Variants in PLA2G4A observed in about 807,000 individuals in gnomAD.
The protein encoded by PLA2G4A is cytosolic phospholipase A2.
Under a neutral mutation model 81.9 loss-of-function variants are expected in PLA2G4A, and 40 were observed. That is an observed-to-expected ratio of 0.49 (90% CI 0.38 to 0.64). The LOEUF is 0.64. Among genes scored for constraint, PLA2G4A ranks in the 30% least tolerant of loss-of-function variants. The pLI, the probability that PLA2G4A is intolerant of heterozygous loss-of-function variation, is 0.00. For synonymous variants in PLA2G4A, 302 were observed against 296.9 expected (o/e 1.02, Z -0.18); for missense variants, 715 against 905.1 (o/e 0.79, Z 2.69).
intron 2 of PLA2G4A, among the ~76,000 whole-genome samples, chr1:186,868,762 C>T (rs74137528): frequency 0.014 from 2,071 of 152,150 alleles, 59 homozygotes; most frequent in African/African-American, 0.046. Context: ...TTGGTAGATT[C>T]TATCTTTTAA....
At chr1:186,869,953 C>A (rs2102057966) in intron 2 of PLA2G4A, among the ~76,000 whole-genome samples, 1 of 152,310 alleles carries the variant, frequency 6.6e-6, no homozygotes, top group South Asian at 2.1e-4. Flanking sequence ...ACAATTAGTG[C>A]AATTTGTTTG....
rs1445181202 is a variant in PLA2G4A, at chr1:186,924,308, A to G, written c.559-8455A>G. On this transcript the variant is annotated intron_variant, in intron 7 of 17. Coordinates refer to ENST00000367466, the MANE Select transcript of PLA2G4A (RefSeq NM_024420.3). Reference sequence around the variant, plus strand: ...TTCACAAACGTCTCCAACATTTTCTATACAAGCTCATTCTACCTCCTTTAG... The same window carrying G: ...TTCACAAACGTCTCCAACATTTTCTGTACAAGCTCATTCTACCTCCTTTAG... Among the ~76,000 whole-genome samples, 5 of 152,212 alleles carry G rather than the reference A, an allele frequency of 3.3e-5. No homozygotes were observed. The East Asian group carries it at 9.6e-4, about 29-fold the overall frequency.
intron 17 of PLA2G4A, among the ~76,000 whole-genome samples, chr1:186,987,823 G>A (rs907964007): frequency 2.0e-5 from 3 of 152,146 alleles, no homozygotes; most frequent in Admixed American, 1.3e-4. Context: ...TGAATAAAAA[G>A]TAGTAATTCA....
intron 10 of PLA2G4A, among the ~76,000 whole-genome samples, chr1:186,941,261 G>A (rs755998308): frequency 6.6e-6 from 1 of 152,114 alleles, no homozygotes; most frequent in Admixed American, 6.6e-5. Flanking sequence ...GACACCCCAT[G>A]AGCTTAAAAA....
chr1:186,905,030 T>G (rs1281720833), intron 5 of PLA2G4A, among the ~76,000 whole-genome samples: 1 of 152,114 alleles, frequency 6.6e-6, no homozygotes, highest in African/African-American at 2.4e-5. Context: ...AATTTTTGTA[T>G]TTTTAGTAGA....
chr1:186,931,366 A>T (rs1655738077), intron 7 of PLA2G4A, among the ~76,000 whole-genome samples: 2 of 152,062 alleles, frequency 1.3e-5, no homozygotes, highest in Admixed American at 6.6e-5. Context: ...ATGTAGTTTG[A>T]TGCCTAGTGT....
At chr1:186,837,753 G>GAAAA (rs1267826917) in intron 1 of PLA2G4A, among the ~76,000 whole-genome samples, 2 of 118,168 alleles carry the variant, frequency 1.7e-5, no homozygotes, top group African/African-American at 6.7e-5. Context: ...AAAAAAAAAA[G>GAAAA]AAAAAGAAAA....
chr1:186,863,946 G>C lies in PLA2G4A; in HGVS notation c.34-6489G>C, dbSNP rs190140505. Among the ~76,000 whole-genome samples, 10 of 152,028 alleles carry C rather than the reference G, an allele frequency of 6.6e-5. No homozygotes were observed. In the East Asian group the frequency reaches 1.9e-3, roughly 29 times the overall value. On this transcript the variant is annotated intron_variant, in intron 2 of 17. Coordinates refer to ENST00000367466, the MANE Select transcript of PLA2G4A (RefSeq NM_024420.3). ...TGGCTAATTTTTTATATTTTTAGTA[G>C]AGATGGGGTTTCACCATATTGGCCG...
chr1:186,842,527 G>A (rs1283144153), intron 1 of PLA2G4A, among the ~76,000 whole-genome samples: 1 of 152,110 alleles, frequency 6.6e-6, no homozygotes, highest in African/African-American at 2.4e-5. Context: ...CTAAATCCCA[G>A]TACCTCAGAA....
intron 14 of PLA2G4A, among the ~76,000 whole-genome samples, chr1:186,958,938 T>A (rs1656850712): frequency 6.6e-6 from 1 of 152,184 alleles, no homozygotes; most frequent in East Asian, 1.9e-4. Context: ...CTTGCAGCAT[T>A]TAGGATGTAC....
At chr1:186,915,843 G>A (rs1297327262) in intron 7 of PLA2G4A, among the ~76,000 whole-genome samples, 1 of 152,064 alleles carries the variant, frequency 6.6e-6, no homozygotes, top group African/African-American at 2.4e-5. Context: ...GTCATCCTAC[G>A]GGGTGAGTGA....
Position 186,917,691 on chromosome 1 carries a change from G to T in PLA2G4A, c.558+6302G>T, listed in dbSNP as rs114475967. 7.6e-3 allele frequency among the ~76,000 whole-genome samples: 1,164 copies of T among 152,272 alleles called. 8 individuals carry two copies. The highest frequency in any genetic ancestry group is 0.014 in the Non-Finnish European group (924 of 68,024). ...GGAGAAGCACATGGGTTACCTTGTA[G>T]GGCTTTTCAGTTCGTGTTGGATAAG... On this transcript the variant is annotated intron_variant, in intron 7 of 17. Transcript: ENST00000367466.
chr1:186,923,683 G>T (rs975488791), intron 7 of PLA2G4A, among the ~76,000 whole-genome samples: 10 of 152,218 alleles, frequency 6.6e-5, no homozygotes, highest in African/African-American at 2.4e-4. Flanking sequence ...TTCTTTTAGA[G>T]TTGAAGACTG....
intron 3 of PLA2G4A, among the ~76,000 whole-genome samples, chr1:186,888,497 G>A (rs1654018563): frequency 1.3e-5 from 2 of 152,088 alleles, no homozygotes; most frequent in Non-Finnish European, 1.5e-5. Context: ...GTCTGAAAAG[G>A]CAATTTCCCC....
At chr1:186,971,768 T>C (rs1369447659) in intron 15 of PLA2G4A, among the ~76,000 whole-genome samples, 1 of 152,044 alleles carries the variant, frequency 6.6e-6, no homozygotes, top group Non-Finnish European at 1.5e-5. Flanking sequence ...AATATTTGTT[T>C]TATATATAAC....
chr1:186,977,882 C>T (rs1446504748), intron 16 of PLA2G4A, 94 bp downstream of exon 16: 2 of 830,088 alleles, frequency 2.4e-6, no homozygotes, highest in East Asian at 4.9e-5. Flanking sequence ...GCTGTACCAG[C>T]TATTACACTA....
rs1256402988 is a variant in PLA2G4A, at chr1:186,926,773, C to T, written c.559-5990C>T. Among the ~76,000 whole-genome samples, 3 of 152,190 alleles carry T rather than the reference C, an allele frequency of 2.0e-5. No homozygotes were observed. In the East Asian group the frequency reaches 5.8e-4, roughly 29 times the overall value. ...GTCACTTGTAAAATGATGATAATGT[C>T]TCCTGTTGTGGCAAGGGGATAAGTA... On this transcript the variant is annotated intron_variant, in intron 7 of 17. Coordinates refer to ENST00000367466, the MANE Select transcript of PLA2G4A (RefSeq NM_024420.3).
intron 1 of PLA2G4A, among the ~76,000 whole-genome samples, chr1:186,840,035 G>C (rs207460774): frequency 7.2e-6 from 1 of 138,212 alleles, no homozygotes; most frequent in Non-Finnish European, 1.5e-5. Flanking sequence ...AAGCACAGTG[G>C]TGCAATCTTG....
chr1:186,857,653 C>T lies in PLA2G4A; in HGVS notation c.33+3266C>T, dbSNP rs140598834. On this transcript the variant is annotated intron_variant, in intron 2 of 17. Coordinates refer to ENST00000367466, the MANE Select transcript of PLA2G4A (RefSeq NM_024420.3). ...TAAGTTCTAGGGTACATGTGCACAACGTGTAGGCTACATAGGTATATATTT... is the reference window on the plus strand; with the variant it reads ...TAAGTTCTAGGGTACATGTGCACAATGTGTAGGCTACATAGGTATATATTT... 1.9e-3 allele frequency among the ~76,000 whole-genome samples: 283 copies of T among 149,952 alleles called. 2 individuals are homozygous for T. Among genetic ancestry groups the T allele is most frequent in the African/African-American group, 6.7e-3 (273 of 40,764 alleles).
Sources: gnomAD v4.1 joint callset for allele counts (sites outside exome capture counted in the v4.1 genomes callset) on GRCh38, gnomAD v4.1.1 for gene constraint, MANE v1.5 for transcripts, NCBI Gene and HGNC (gene_info 2026-07-23, HGNC 2026-07-21) for gene names.